Variants in MASTL observed in about 807,000 individuals in gnomAD.
MASTL encodes the protein microtubule associated serine/threonine kinase like.
In MASTL, 54 loss-of-function variants were observed where a neutral mutation model predicts 82.5. The observed-to-expected ratio is 0.65, with a 90% CI of 0.53 to 0.82. The LOEUF (loss-of-function observed/expected upper bound fraction) is 0.82. MASTL is among the 40% of genes least tolerant of loss of function. The pLI is 0.00. For missense variants in MASTL, 950 were observed against 1,047.8 expected, an observed-to-expected ratio of 0.91 and a Z score of 1.29; for synonymous variants, 323 against 368.9, an observed-to-expected ratio of 0.88 and a Z score of 1.43.
chr10:27,168,642 C>T (rs1008964415), intron 7 of MASTL, among the ~76,000 whole-genome samples: 3 of 152,056 alleles, frequency 2.0e-5, no homozygotes, highest in Admixed American at 1.3e-4. Context: ...CATGGCAAAA[C>T]CCCGTCTCTA....
chr10:27,176,827 CTG>C (rs1588711007), intron 9 of MASTL, among the ~76,000 whole-genome samples: 1 of 149,214 alleles, frequency 6.7e-6, no homozygotes, highest in Non-Finnish European at 1.5e-5. Context: ...TTTGAGGAGA[CTG>C]TGAGTTTTCT....
intron 7 of MASTL, among the ~76,000 whole-genome samples, chr10:27,168,111 T>C (rs1026420585): frequency 2.0e-5 from 3 of 152,238 alleles, no homozygotes; most frequent in African/African-American, 7.2e-5. Context: ...AAAATAATTT[T>C]GATTCTATTT....
At chr10:27,158,729 G>A (rs745668006) in intron 2 of MASTL, 43 bp downstream of exon 2, 1 of 1,601,738 alleles carries the variant, frequency 6.2e-7, no homozygotes, top group Non-Finnish European at 8.6e-7. Context: ...CCATTAAGCA[G>A]TCATTGAACC....
At chr10:27,186,316 C>T (rs1299943443) in intron 11 of MASTL, 63 bp from the exon 12 acceptor site, 6 of 1,435,624 alleles carry the variant, frequency 4.2e-6, no homozygotes, top group Non-Finnish European at 4.9e-6. Flanking sequence ...TATAATAATT[C>T]CTGTAAAGCA....
intron 11 of MASTL, among the ~76,000 whole-genome samples, chr10:27,182,085 A>G (rs1159058136): frequency 2.0e-5 from 3 of 151,516 alleles, no homozygotes; most frequent in South Asian, 2.1e-4. Flanking sequence ...AAAAAAAAAA[A>G]AAAAAAATAC....
rs929314120 is a variant in MASTL, at chr10:27,159,987, ATATT to A, written c.464+239_464+242del. Among the ~76,000 whole-genome samples, 4 of 151,370 alleles carry A rather than the reference ATATT, an allele frequency of 2.6e-5. No individual in the cohort carries two copies. The highest frequency in any genetic ancestry group is 9.7e-5 in the African/African-American group (4 of 41,042). On this transcript the variant is annotated intron_variant, in intron 3 of 11. Coordinates refer to ENST00000375940, the MANE Select transcript of MASTL (RefSeq NM_001172303.3). This position sits in a 1 kb window ranked among gnomAD's most constrained non-coding sequence, Gnocchi z 4.0. ...TGTATTTATTTATTTTTGTATTTAC[ATATT>A]TATTTATTTTTTTCTTTGTTGAGAC...
chr10:27,171,825 CTTTTTTTTTTTTT>C (rs112511530), intron 8 of MASTL, among the ~76,000 whole-genome samples: 2 of 93,582 alleles, frequency 2.1e-5, no homozygotes, highest in Admixed American at 3.1e-4. Context: ...AAATATGTTT[CTTTTTTTTTTTTT>C]TTTTTTTTTG....
At chr10:27,161,054 C>A in intron 3 of MASTL, 40 bp from the exon 4 acceptor site, 1 of 1,242,754 alleles carries the variant, frequency 8.0e-7, no homozygotes, top group Non-Finnish European at 1.2e-6. Context: ...TAAAACTAGC[C>A]CTTTTTTGGT....
At chr10:27,171,187 G>A (rs2057922561) in intron 8 of MASTL, 104 bp downstream of exon 8, 4 of 972,720 alleles carry the variant, frequency 4.1e-6, no homozygotes, top group Middle Eastern at 2.9e-4. Context: ...ATATAGTTCT[G>A]TTCTTCTTGT....
At chr10:27,181,440 G>C (rs780490858) in intron 10 of MASTL, 40 bp from the exon 11 acceptor site, 1 of 1,355,808 alleles carries the variant, frequency 7.4e-7, no homozygotes, top group South Asian at 1.2e-5. Context: ...ATTATTTTGA[G>C]CAGTAATAAA....
intron 7 of MASTL, among the ~76,000 whole-genome samples, chr10:27,169,227 C>A (rs2057838659): frequency 6.6e-6 from 1 of 151,970 alleles, no homozygotes; most frequent in Admixed American, 6.6e-5. Flanking sequence ...TATAATTTTT[C>A]ATTGACTAAA....
At position 27,187,922 on chromosome 10, in the gene MASTL, C is replaced by A. The variant is rs1232520106; in HGVS notation, c.*1386C>A. 1.3e-5 allele frequency among the ~76,000 whole-genome samples: 2 copies of A among 152,120 alleles called. No individual in the cohort carries two copies. The highest frequency in any genetic ancestry group is 1.9e-4 in the East Asian group (1 of 5,200). On this transcript the variant is annotated 3_prime_UTR_variant, in exon 12 of 12. Transcript: ENST00000375940. ...TCCTTAAAAAACAAAACATAATTTTCTTTTGCTTAATAAATATAACTATCA... is the reference window on the plus strand; with the variant it reads ...TCCTTAAAAAACAAAACATAATTTTATTTTGCTTAATAAATATAACTATCA...
chr10:27,158,771 G>C (rs1028477087), intron 2 of MASTL, 85 bp downstream of exon 2: 1 of 1,458,554 alleles, frequency 6.9e-7, no homozygotes, highest in Admixed American at 1.7e-5. Flanking sequence ...TTTTGGTTCA[G>C]AGTGCTTGCA....
intron 6 of MASTL, among the ~76,000 whole-genome samples, chr10:27,165,805 G>T (rs1397963618): frequency 6.6e-6 from 1 of 151,952 alleles, no homozygotes; most frequent in Non-Finnish European, 1.5e-5. Flanking sequence ...GGAGGCTGAG[G>T]CAGGAGGATC....
intron 9 of MASTL, among the ~76,000 whole-genome samples, chr10:27,177,642 G>C (rs1221456542): frequency 2.0e-5 from 3 of 152,156 alleles, no homozygotes; most frequent in African/African-American, 7.2e-5. Flanking sequence ...GTCTCTTCCA[G>C]AGTAGGCTGG....
intron 7 of MASTL, among the ~76,000 whole-genome samples, chr10:27,169,293 T>C (rs1009680060): frequency 6.6e-6 from 1 of 152,110 alleles, no homozygotes. Context: ...CCAGGTGTGG[T>C]AGCTTACACC....
chr10:27,172,855 T>G (rs571475413), intron 8 of MASTL, among the ~76,000 whole-genome samples: 26 of 152,308 alleles, frequency 1.7e-4, no homozygotes, highest in African/African-American at 6.3e-4. Flanking sequence ...ACATTTTTCT[T>G]GCAGATTTTT....
chr10:27,178,178 G>C (rs1299734086), intron 9 of MASTL, among the ~76,000 whole-genome samples: 2 of 152,128 alleles, frequency 1.3e-5, no homozygotes, highest in Admixed American at 1.3e-4. Flanking sequence ...GGTCACCTGA[G>C]GTCAGGAGTT....
At position 27,167,225 on chromosome 10, in the gene MASTL, G is replaced by C. The variant is rs1024795809; in HGVS notation, c.935G>C (p.Ser312Thr). The change falls in exon 7 of 12, where the codon AGT (serine) becomes ACT (threonine). Residue 312 changes from serine to threonine, a missense_variant. Coordinates refer to ENST00000375940, the MANE Select transcript of MASTL (RefSeq NM_001172303.3). Reference protein sequence around the residue: ...ASSQSHTFISSVESECHSSPK... With the variant: ...ASSQSHTFISTVESECHSSPK... ...AGTCAATCCCACACCTTCATATCCA[G>C]TGTGGAATCAGAATGCCACAGCAGT... 1.9e-6 allele frequency: 3 copies of C among 1,614,148 alleles called. No individual in the cohort carries two copies. Among genetic ancestry groups the C allele is most frequent in the African/African-American group, 1.3e-5 (1 of 75,058 alleles).
Sources: gnomAD v4.1 joint callset for allele counts (sites outside exome capture counted in the v4.1 genomes callset) on GRCh38, gnomAD v4.1.1 for gene constraint, Gnocchi (gnomAD v3.1) non-coding constraint, MANE v1.5 for transcripts, NCBI Gene and HGNC (gene_info 2026-07-23, HGNC 2026-07-21) for gene names.